Variants in DTNA observed in about 807,000 individuals in gnomAD.
The protein encoded by DTNA is dystrobrevin alpha.
Under a neutral mutation model 100.7 loss-of-function variants are expected in DTNA, and 43 were observed. The observed-to-expected ratio is 0.43, with a 90% confidence interval of 0.33 to 0.55. DTNA has a LOEUF of 0.55. Among genes scored for constraint, DTNA ranks in the 20% least tolerant of loss-of-function variants. The pLI, the probability that DTNA is intolerant of heterozygous loss-of-function variation, is 0.04. For missense variants in DTNA, 798 were observed against 953.9 expected (o/e 0.84, Z 2.15); for synonymous variants, 349 against 347.9 (o/e 1.00, Z -0.04).
chr18:34,568,321 G>A (rs920673879), intron 1 of DTNA, among the ~76,000 whole-genome samples: 6 of 152,098 alleles, frequency 3.9e-5, no homozygotes, highest in African/African-American at 7.2e-5. Context: ...GCATTCTGGC[G>A]TTAAAAATTT....
intron 1 of DTNA, among the ~76,000 whole-genome samples, chr18:34,596,677 G>T (rs547044788): frequency 2.6e-5 from 4 of 151,928 alleles, no homozygotes; most frequent in Non-Finnish European, 4.4e-5. Flanking sequence ...TACACTCTTC[G>T]TTCTAGAGAA....
Position 34,494,869 on chromosome 18 carries a change from T to G in DTNA, c.-2+1355T>G, listed in dbSNP as rs2039010540. Among the ~76,000 whole-genome samples, 2 of 152,218 alleles carry G rather than the reference T, an allele frequency of 1.3e-5. 1 individual carries two copies. Among genetic ancestry groups the G allele is most frequent in the East Asian group, 3.8e-4 (2 of 5,200 alleles). The stretch of plus-strand genomic sequence containing the variant: ...TTGTATTGTTGAAGTGTACAGTTAC[T>G]GATTTCTTTAAAAAATAATGGTTTT... On this transcript the variant is annotated intron_variant, in intron 1 of 19. Transcript: ENST00000283365.
At chr18:34,654,748 GA>G in intron 1 of DTNA, among the ~76,000 whole-genome samples, 1 of 150,706 alleles carries the variant, frequency 6.6e-6, no homozygotes. Context: ...TTTTTTTTGA[GA>G]CAGAGTTTGC....
At chr18:34,507,427 C>A (rs75294732) in intron 1 of DTNA, among the ~76,000 whole-genome samples, 2,177 of 152,150 alleles carry the variant, frequency 0.014, 54 homozygotes, top group African/African-American at 0.05. Context: ...TTATTAATTT[C>A]TTTTGATGTA....
At chr18:34,726,526 A>G (rs2086729388) in intron 1 of DTNA, among the ~76,000 whole-genome samples, 1 of 152,216 alleles carries the variant, frequency 6.6e-6, no homozygotes. Flanking sequence ...AAACATTCCA[A>G]AAGGGAAAAA....
At chr18:34,771,723 A>G (rs944213122) in intron 3 of DTNA, among the ~76,000 whole-genome samples, 3 of 152,214 alleles carry the variant, frequency 2.0e-5, no homozygotes, top group African/African-American at 7.2e-5. Context: ...AGCAGAACAA[A>G]GAATACAAAT....
intron 1 of DTNA, among the ~76,000 whole-genome samples, chr18:34,691,360 A>G (rs534770086): frequency 6.6e-6 from 1 of 152,290 alleles, no homozygotes; most frequent in African/African-American, 2.4e-5. Flanking sequence ...TTGCTTACGG[A>G]TGTGTAATTT....
Position 34,858,674 on chromosome 18 carries a change from C to T in DTNA, c.1646+276C>T, listed in dbSNP as rs565371664. ...TTGCCCAGGCTGGAGTGCAATGGCACGATCTCGGTTCACTGCAACCTCTGC... is the reference window on the plus strand; with the variant it reads ...TTGCCCAGGCTGGAGTGCAATGGCATGATCTCGGTTCACTGCAACCTCTGC... On this transcript the variant is annotated intron_variant, in intron 16 of 22. Coordinates refer to ENST00000444659, the MANE Select transcript of DTNA (RefSeq NM_001386795.1). Among the ~76,000 whole-genome samples, 29 of 152,272 alleles carry T rather than the reference C, an allele frequency of 1.9e-4. No individual in the cohort carries two copies. Among genetic ancestry groups the T allele is most frequent in the Middle Eastern group, 6.8e-3 (2 of 294 alleles).
chr18:34,777,629 A>G (rs2148730682), intron 3 of DTNA, among the ~76,000 whole-genome samples: 1 of 152,318 alleles, frequency 6.6e-6, no homozygotes, highest in African/African-American at 2.4e-5. Flanking sequence ...TCATGGCAGA[A>G]GGTGAAGGAG....
intron 1 of DTNA, among the ~76,000 whole-genome samples, chr18:34,682,856 T>C (rs542301259): frequency 7.2e-5 from 11 of 152,274 alleles, no homozygotes; most frequent in African/African-American, 2.4e-4. Flanking sequence ...AAATTAAACT[T>C]AATATATTTA....
At chr18:34,817,345 A>C (rs1398081686) in intron 7 of DTNA, among the ~76,000 whole-genome samples, 1 of 152,110 alleles carries the variant, frequency 6.6e-6, no homozygotes, top group Non-Finnish European at 1.5e-5. Flanking sequence ...CAAAGGCAAG[A>C]ATTGTTATTG....
intron 1 of DTNA, among the ~76,000 whole-genome samples, chr18:34,698,331 G>GC (rs2080884789): frequency 6.6e-6 from 1 of 152,218 alleles, no homozygotes; most frequent in Non-Finnish European, 1.5e-5. Context: ...TAGGCAAAAA[G>GC]TCTGAAATTG....
At chr18:34,647,980 G>C (rs767974647) in intron 1 of DTNA, among the ~76,000 whole-genome samples, 5 of 152,294 alleles carry the variant, frequency 3.3e-5, no homozygotes, top group African/African-American at 7.2e-5. Context: ...AAATTAGTTT[G>C]GCAATCAGGG....
At chr18:34,666,252 C>T (rs1240535266) in intron 1 of DTNA, among the ~76,000 whole-genome samples, 1 of 151,550 alleles carries the variant, frequency 6.6e-6, no homozygotes, top group Non-Finnish European at 1.5e-5. Flanking sequence ...ATCCTTCACC[C>T]ACTTTTTGAT....
intron 1 of DTNA, among the ~76,000 whole-genome samples, chr18:34,578,845 T>A (rs945336214): frequency 6.6e-6 from 1 of 152,186 alleles, no homozygotes; most frequent in Admixed American, 6.5e-5. Context: ...TTTATACCAC[T>A]ACCATGCTGT....
intron 1 of DTNA, among the ~76,000 whole-genome samples, chr18:34,659,623 G>GAC (rs1265884441): frequency 4.5e-4 from 64 of 140,940 alleles, no homozygotes; most frequent in African/African-American, 1.8e-3. Context: ...CATACACACA[G>GAC]ACACACACAG....
intron 1 of DTNA, among the ~76,000 whole-genome samples, chr18:34,605,633 GCACA>G (rs3078088): frequency 0.1 from 14,633 of 141,946 alleles, 735 homozygotes; most frequent in South Asian, 0.13. Context: ...TGCAACTCAG[GCACA>G]CACACACACA....
At chr18:34,689,666 G>A (rs1042773533) in intron 1 of DTNA, among the ~76,000 whole-genome samples, 3 of 152,214 alleles carry the variant, frequency 2.0e-5, no homozygotes, top group Non-Finnish European at 4.4e-5. Context: ...AGCAGAGCTC[G>A]AGTGCTGTGC....
chr18:34,642,618 G>A (rs1212822821), intron 1 of DTNA, among the ~76,000 whole-genome samples: 2 of 151,566 alleles, frequency 1.3e-5, no homozygotes, highest in Admixed American at 1.3e-4. Context: ...GAATGCAGTG[G>A]CGCGATCTCG....
Sources: gnomAD v4.1 joint callset for allele counts (sites outside exome capture counted in the v4.1 genomes callset) on GRCh38, gnomAD v4.1.1 for gene constraint, MANE v1.5 for transcripts, NCBI Gene and HGNC (gene_info 2026-07-23, HGNC 2026-07-21) for gene names.